SIPA1L3: variants seen among roughly 807,000 people sequenced by gnomAD.
SIPA1L3 encodes signal induced proliferation associated 1 like 3, also known as signal-induced proliferation-associated 1-like protein 3.
Under a neutral mutation model 150.1 loss-of-function variants are expected in SIPA1L3, and 59 were observed. The observed-to-expected ratio is 0.39, with a 90% CI of 0.32 to 0.49. The LOEUF is 0.49. Among genes scored for constraint, SIPA1L3 ranks in the 20% least tolerant of loss-of-function variants. SIPA1L3 has a pLI of 0.86. For synonymous variants in SIPA1L3, 1,070 were observed against 1,077.6 expected (o/e 0.99, Z 0.14); for missense variants, 2,211 against 2,489.5 (o/e 0.89, Z 2.38).
chr19:38,164,397 C>G lies in SIPA1L3; in HGVS notation c.3781-82C>G. 1 of 1,361,138 alleles carries G rather than the reference C, an allele frequency of 7.3e-7. No homozygotes were observed. The highest frequency in any genetic ancestry group is 1.0e-6 in the Non-Finnish European group (1 of 978,774). The allele number at this position is 1,361,138 out of a possible 1,614,324, so 84.3% of individuals were successfully genotyped here. ...AAGCTGTCTGGTCCCAGGGTTCAGGCCCAGGCAGAGGGAGGACCCGGCAAG... is the reference window on the plus strand; with the variant it reads ...AAGCTGTCTGGTCCCAGGGTTCAGGGCCAGGCAGAGGGAGGACCCGGCAAG... On this transcript the variant is annotated intron_variant, in intron 14 of 21. Coordinates refer to ENST00000222345, the MANE Select transcript of SIPA1L3 (RefSeq NM_015073.3). This position sits in a 1 kb window ranked among gnomAD's most constrained non-coding sequence, Gnocchi z 4.1.
chr19:38,154,194 C>T (rs998784650), intron 13 of SIPA1L3, among the ~76,000 whole-genome samples: 1 of 152,180 alleles, frequency 6.6e-6, no homozygotes, highest in African/African-American at 2.4e-5. Flanking sequence ...ACATTTGTGA[C>T]AGCCAGCCAG....
chr19:38,071,700 T>C (rs768372818), intron 2 of SIPA1L3, among the ~76,000 whole-genome samples: 5 of 152,164 alleles, frequency 3.3e-5, no homozygotes, highest in Non-Finnish European at 5.9e-5. Flanking sequence ...GGGTCCCAGG[T>C]AAGGGCTGCT....
chr19:38,185,651 C>G (rs1260025827), intron 16 of SIPA1L3: 1 of 152,130 alleles, frequency 6.6e-6, no homozygotes, highest in African/African-American at 2.4e-5. Flanking sequence ...CCTGGCCTCC[C>G]TCTTAGCAGC....
chr19:37,956,571 C>T (rs2046813843), intron 1 of SIPA1L3, among the ~76,000 whole-genome samples: 1 of 145,934 alleles, frequency 6.9e-6, no homozygotes, highest in Non-Finnish European at 1.5e-5. Context: ...GCAATCTCTG[C>T]CTCCCGGGTT....
intron 15 of SIPA1L3, among the ~76,000 whole-genome samples, chr19:38,176,517 G>A (rs1030077136): frequency 4.6e-5 from 7 of 151,892 alleles, no homozygotes; most frequent in East Asian, 1.9e-4. Context: ...CCACCTCAGC[G>A]TCCCAAGTAG....
Position 38,047,721 on chromosome 19 carries a change from A to C in SIPA1L3, c.-311+18565A>C, listed in dbSNP as rs1313726561. On this transcript the variant is annotated intron_variant, in intron 2 of 21. Coordinates refer to ENST00000222345, the MANE Select transcript of SIPA1L3 (RefSeq NM_015073.3). The surrounding 1 kb of genome is among the most constrained non-coding windows in gnomAD (Gnocchi z 4.7). ...TGCTGACGGAGGGATGTGACACCGC[A>C]GCCAGCCAGGTCTCCTCATGGAGGG... Among the ~76,000 whole-genome samples the C allele has an allele frequency of 1.3e-5, 2 of 152,146 alleles. No individual in the cohort carries two copies. Among genetic ancestry groups the C allele is most frequent in the African/African-American group, 4.8e-5 (2 of 41,416 alleles).
chr19:38,169,391 A>C (rs569691973), intron 15 of SIPA1L3, among the ~76,000 whole-genome samples: 2 of 152,152 alleles, frequency 1.3e-5, no homozygotes, highest in East Asian at 3.9e-4. Flanking sequence ...TCAGTCTCAA[A>C]AAAAAAAAAA....
intron 1 of SIPA1L3, among the ~76,000 whole-genome samples, chr19:38,028,493 C>T (rs111610869): frequency 0.011 from 1,665 of 152,146 alleles, 32 homozygotes; most frequent in African/African-American, 0.039. Context: ...CCGAGCTCTC[C>T]GTTTAAGGTC....
rs1972763579 is a variant in SIPA1L3 at position 38,189,688 on chromosome 19, C to T, written c.4431-2457C>T. 1.3e-5 allele frequency among the ~76,000 whole-genome samples: 2 copies of T among 152,058 alleles called. 1 individual carries two copies. The highest frequency in any genetic ancestry group is 4.1e-4 in the South Asian group (2 of 4,824). ...AGCTGAGGCAGGAGAATTGCTTGAA[C>T]CTGGGAGGCGGAGGTTGCAGTGAGG... is the stretch of plus-strand genomic sequence containing the variant. On this transcript the variant is annotated intron_variant, in intron 16 of 21. Coordinates refer to ENST00000222345, the MANE Select transcript of SIPA1L3 (RefSeq NM_015073.3).
intron 2 of SIPA1L3, among the ~76,000 whole-genome samples, chr19:38,079,326 C>T (rs920034866): frequency 6.6e-6 from 1 of 152,182 alleles, no homozygotes; most frequent in African/African-American, 2.4e-5. Flanking sequence ...GAGCGAGACT[C>T]CGTCTCAACT....
At chr19:38,115,996 G>C (rs942358538) in intron 8 of SIPA1L3, among the ~76,000 whole-genome samples, 5 of 152,050 alleles carry the variant, frequency 3.3e-5, no homozygotes, top group African/African-American at 9.7e-5. Context: ...GTAAGGGGAG[G>C]GAATCAACAA....
At position 38,187,995 on chromosome 19, in the gene SIPA1L3, CA is replaced by C. The variant is rs919508675; in HGVS notation, c.4431-4137del. Among the ~76,000 whole-genome samples, 541 of 135,246 alleles carry C rather than the reference CA, an allele frequency of 4.0e-3. 2 individuals carry two copies. The highest frequency in any genetic ancestry group is 6.2e-3 in the African/African-American group (226 of 36,656). 88.7% of individuals were successfully genotyped at this position (135,246 alleles called of 152,430 possible). A position where few individuals can be genotyped will look rare whatever the true frequency, so the allele number is the denominator to read the frequency against. On this transcript the variant is annotated intron_variant, in intron 16 of 21. Transcript: ENST00000222345. The stretch of plus-strand genomic sequence containing the variant: ...TGGGCGACAGAGTGAGACTCTGTCT[CA>C]AAAAAAAAAAAATTGCATATATAAA...
At chr19:37,914,310 T>C (rs890158058) in intron 1 of SIPA1L3, among the ~76,000 whole-genome samples, 4 of 151,862 alleles carry the variant, frequency 2.6e-5, no homozygotes, top group Admixed American at 2.6e-4. Context: ...GTGAGTTTGC[T>C]ACAAAGAGTA....
chr19:38,129,944 G>C lies in SIPA1L3; in HGVS notation c.2869-554G>C, dbSNP rs548296321. ...TAGCCAGGCGTGGTAGCAGACGCTT[G>C]TAATCCCAGCTACTCAGGAGGCTGA... On this transcript the variant is annotated intron_variant, in intron 9 of 21. Coordinates refer to ENST00000222345, the MANE Select transcript of SIPA1L3 (RefSeq NM_015073.3). Among the ~76,000 whole-genome samples, 17 of 152,254 alleles carry C rather than the reference G, an allele frequency of 1.1e-4. No homozygotes were observed. In the South Asian group the frequency reaches 3.5e-3, roughly 32 times the overall value.
chr19:38,010,789 C>G (rs1968079110), intron 1 of SIPA1L3, among the ~76,000 whole-genome samples: 1 of 152,158 alleles, frequency 6.6e-6, no homozygotes, highest in South Asian at 2.1e-4. Context: ...TCTACTGTTA[C>G]CCACTGTGTG....
intron 15 of SIPA1L3, among the ~76,000 whole-genome samples, chr19:38,176,022 A>G (rs1470331454): frequency 6.6e-6 from 1 of 152,168 alleles, no homozygotes; most frequent in African/African-American, 2.4e-5. Context: ...CCTGACCAAC[A>G]TGATGAAACC....
At chr19:38,184,349 C>A (rs1262947727) in intron 16 of SIPA1L3, 1 of 152,150 alleles carries the variant, frequency 6.6e-6, no homozygotes, top group Non-Finnish European at 1.5e-5. Context: ...CGGCTAATTT[C>A]GTATTTTTAG....
chr19:38,032,746 T>TGA (rs955448683), intron 2 of SIPA1L3, among the ~76,000 whole-genome samples: 1 of 151,740 alleles, frequency 6.6e-6, no homozygotes, highest in African/African-American at 2.4e-5. Context: ...CCTAGCTACT[T>TGA]GAGAGGCTGA....
chr19:38,140,918 C>T (rs532759468), intron 10 of SIPA1L3, among the ~76,000 whole-genome samples: 8 of 151,926 alleles, frequency 5.3e-5, no homozygotes, highest in African/African-American at 1.2e-4. Flanking sequence ...CTTAGCCGGG[C>T]GTAGTGGCGC....
Sources: allele counts gnomAD v4.1 joint callset (sites outside exome capture counted in the v4.1 genomes callset), GRCh38; gene constraint gnomAD v4.1.1; non-coding constraint Gnocchi (gnomAD v3.1); transcripts MANE v1.5; gene names NCBI Gene and HGNC (gene_info 2026-07-23, HGNC 2026-07-21).